Variants in SLC5A4 observed in about 807,000 individuals in gnomAD.
SLC5A4 encodes solute carrier family 5 member 4.
A neutral mutation model predicts 70.3 loss-of-function variants in SLC5A4; 55 were observed. The observed-to-expected ratio is 0.78, with a 90% confidence interval of 0.63 to 0.98. The LOEUF (loss-of-function observed/expected upper bound fraction) is 0.98. Ranked by LOEUF, SLC5A4 falls within the 50% of genes least tolerant of loss-of-function variation. The pLI, the probability that SLC5A4 is intolerant of heterozygous loss-of-function variation, is 0.00. For synonymous variants in SLC5A4, 268 were observed against 305.7 expected, an observed-to-expected ratio of 0.88 and a Z score of 1.29; for missense variants, 735 against 839.2, an observed-to-expected ratio of 0.88 and a Z score of 1.53.
At chr22:32,326,425 T>C in the SLC5A4 span, among the ~76,000 whole-genome samples, 1 of 151,982 alleles carries the variant, frequency 6.6e-6, no homozygotes, top group Non-Finnish European at 1.5e-5. Context: ...CCCAGCTAGT[T>C]TTTTTATTTT....
At chr22:32,225,893 C>G in intron 11 of SLC5A4, 70 bp from the exon 12 acceptor site, 1 of 1,078,620 alleles carries the variant, frequency 9.3e-7, no homozygotes, top group Admixed American at 2.8e-5. Flanking sequence ...TGCTTTAGTT[C>G]TAGCGTTCAT....
the SLC5A4 span, among the ~76,000 whole-genome samples, chr22:32,334,763 C>A: frequency 6.6e-6 from 1 of 152,200 alleles, no homozygotes; most frequent in Admixed American, 6.5e-5. Flanking sequence ...CTCCAGTAAG[C>A]GTACACACTG....
At chr22:32,232,762 G>T in intron 9 of SLC5A4, 137 bp downstream of exon 9, 1 of 1,074,208 alleles carries the variant, frequency 9.3e-7, no homozygotes, top group Non-Finnish European at 1.3e-6. Context: ...TGACCACTGT[G>T]CAGGCTGCTC....
At chr22:32,348,548 C>T in the SLC5A4 span, among the ~76,000 whole-genome samples, 19 of 152,304 alleles carry the variant, frequency 1.2e-4, no homozygotes, top group South Asian at 8.3e-4. Flanking sequence ...TCTTGGATTT[C>T]TCAAAAGAAA....
intron 4 of SLC5A4, 34 bp from the exon 5 acceptor site, chr22:32,247,549 A>T: frequency 7.4e-7 from 1 of 1,348,388 alleles, no homozygotes; most frequent in Admixed American, 1.7e-5. Flanking sequence ...GACTTAACTT[A>T]CCCTTAGGGC....
chr22:32,302,727 T>C, the SLC5A4 span, among the ~76,000 whole-genome samples: 1 of 152,194 alleles, frequency 6.6e-6, no homozygotes, highest in East Asian at 1.9e-4. Context: ...GTTATAGCTA[T>C]ATAAGCAGTA....
At chr22:32,295,276 C>T in the SLC5A4 span, among the ~76,000 whole-genome samples, 22,207 of 90,136 alleles carry the variant, frequency 0.25, 6,806 homozygotes, top group East Asian at 0.45. Context: ...TTTACAGTCC[C>T]ACCAACAGTG....
At chr22:32,334,867 G>A in the SLC5A4 span, among the ~76,000 whole-genome samples, 1 of 152,220 alleles carries the variant, frequency 6.6e-6, no homozygotes, top group African/African-American at 2.4e-5. Flanking sequence ...AGTCCAGGCA[G>A]GGACACAGCA....
At chr22:32,330,928 GGT>G in the SLC5A4 span, among the ~76,000 whole-genome samples, 1 of 40,014 alleles carries the variant, frequency 2.5e-5, no homozygotes, top group African/African-American at 9.1e-5. Flanking sequence ...GGAGGCCTCT[GGT>G]GTGTATGTGT....
chr22:32,271,401 G>A, the SLC5A4 span: 1 of 767,372 alleles, frequency 1.3e-6, no homozygotes, highest in Non-Finnish European at 2.4e-6. Flanking sequence ...GCTGGTGCAT[G>A]TGGACCAAAA....
chr22:32,287,748 A>G, the SLC5A4 span, among the ~76,000 whole-genome samples: 1 of 151,584 alleles, frequency 6.6e-6, no homozygotes, highest in Non-Finnish European at 1.5e-5. Flanking sequence ...AGTCTCCCAA[A>G]GTTGTTGGGA....
the SLC5A4 span, among the ~76,000 whole-genome samples, chr22:32,274,635 GGCCAGGAAGCCTATGA>G: frequency 1.3e-5 from 2 of 151,960 alleles, no homozygotes; most frequent in South Asian, 4.2e-4. Context: ...TTAAAACAGT[GGCCAGGAAGCCTATGA>G]GCCACCTGGG....
chr22:32,275,372 C>G, the SLC5A4 span, among the ~76,000 whole-genome samples: 1 of 152,186 alleles, frequency 6.6e-6, no homozygotes, highest in Non-Finnish European at 1.5e-5. Flanking sequence ...TATCCCTCCC[C>G]TCACCCCATG....
rs1927336326 is a variant in SLC5A4, at chr22:32,254,188, G to T, written c.161C>A (p.Thr54Asn). The T allele has an allele frequency of 1.2e-6, 2 of 1,613,846 alleles. No individual in the cohort carries two copies. Among genetic ancestry groups the T allele is most frequent in the Admixed American group, 1.7e-5 (1 of 60,002 alleles). ...LWAMLKTNRG[T>N]IGGFFLAGRD... ...ACCAGCGAGGAAGAAGCCTCCTATA[G>T]TACCTCGGTTGGTCTTCAGCATCGC... is the stretch of plus-strand genomic sequence containing the variant. The change falls in exon 2 of 15, where the codon ACT (threonine) becomes AAT (asparagine). Residue 54 changes from threonine to asparagine, a missense_variant. Thr to Asn is a moderately conservative substitution (Grantham distance 65). Coordinates refer to ENST00000266086, the MANE Select transcript of SLC5A4 (RefSeq NM_014227.3).
chr22:32,269,611 C>T, the SLC5A4 span: 1 of 614,960 alleles, frequency 1.6e-6, no homozygotes. This position sits in a 1 kb window ranked among gnomAD's most constrained non-coding sequence, Gnocchi z 4.1. Context: ...TGCACCCAGG[C>T]TCTGGCCGTA....
chr22:32,270,939 G>C, the SLC5A4 span: 1 of 562,392 alleles, frequency 1.8e-6, no homozygotes, highest in South Asian at 1.6e-5. Context: ...ACCACTGAGA[G>C]CTGCCTGAGC....
the SLC5A4 span, among the ~76,000 whole-genome samples, chr22:32,277,750 G>A: frequency 1.1e-4 from 17 of 152,076 alleles, no homozygotes; most frequent in Middle Eastern, 3.2e-3. Context: ...GCGTTTCACC[G>A]TGTTAGCCAA....
the SLC5A4 span, among the ~76,000 whole-genome samples, chr22:32,300,633 G>A: frequency 7.2e-5 from 11 of 152,044 alleles, 1 homozygote; most frequent in East Asian, 1.9e-3. Flanking sequence ...CGTCACTCAC[G>A]CTGGGAGCTG....
chr22:32,347,440 G>C, the SLC5A4 span, among the ~76,000 whole-genome samples: 1 of 152,050 alleles, frequency 6.6e-6, no homozygotes, highest in African/African-American at 2.4e-5. Flanking sequence ...CAATAGCAAA[G>C]ACTTGGAACC....
Sources: allele counts gnomAD v4.1 joint callset (sites outside exome capture counted in the v4.1 genomes callset), GRCh38; gene constraint gnomAD v4.1.1; non-coding constraint Gnocchi (gnomAD v3.1); transcripts MANE v1.5; gene names NCBI Gene and HGNC (gene_info 2026-07-23, HGNC 2026-07-21).